Variants in ANKRD12 observed in about 807,000 individuals in gnomAD.
The protein encoded by ANKRD12 is ankyrin repeat domain 12, also known as ankyrin repeat domain-containing protein 12.
Under a neutral mutation model 183.4 loss-of-function variants are expected in ANKRD12, and 85 were observed. The observed-to-expected ratio is 0.46, with a 90% confidence interval of 0.39 to 0.56. The LOEUF (loss-of-function observed/expected upper bound fraction) is 0.56, where lower values mean the gene tolerates loss of function less well. Ranked by LOEUF, ANKRD12 falls within the 20% of genes least tolerant of loss-of-function variation. The pLI is 0.00. For missense variants in ANKRD12, 2,405 were observed against 2,357.1 expected (o/e 1.02, Z -0.42); for synonymous variants, 914 against 800.2 (o/e 1.14, Z -2.40).
intron 8 of ANKRD12, among the ~76,000 whole-genome samples, chr18:9,246,133 C>T (rs549561600): frequency 5.6e-4 from 85 of 152,154 alleles, no homozygotes; most frequent in African/African-American, 2.0e-3. Flanking sequence ...TGCTTATTTT[C>T]AGTGAAAAGT....
intron 1 of ANKRD12, among the ~76,000 whole-genome samples, chr18:9,148,170 G>A (rs1208095940): frequency 1.3e-5 from 2 of 152,130 alleles, no homozygotes; most frequent in Non-Finnish European, 2.9e-5. Flanking sequence ...CAGCAATTTA[G>A]AACCTGTTAG....
chr18:9,175,939 C>A lies in ANKRD12; in HGVS notation c.-51-6443C>A, dbSNP rs191707671. The stretch of plus-strand genomic sequence containing the variant: ...CTTAGGATAAAGGACAATTTATGAA[C>A]CAAAAAAAACTCTTTGTTTCCTGAA... On this transcript the variant is annotated intron_variant, in intron 1 of 12. Coordinates refer to ENST00000262126, the MANE Select transcript of ANKRD12 (RefSeq NM_015208.5). Among the ~76,000 whole-genome samples, 427 of 150,594 alleles carry A rather than the reference C, an allele frequency of 2.8e-3. 1 individual carries two copies. The highest frequency in any genetic ancestry group is 0.01 in the African/African-American group (413 of 40,870).
intron 8 of ANKRD12, among the ~76,000 whole-genome samples, chr18:9,242,012 GT>G (rs896727961): frequency 5.3e-5 from 8 of 150,928 alleles, no homozygotes; most frequent in African/African-American, 1.5e-4. Context: ...GTGTCTATAA[GT>G]CAAAATATCT....
intron 1 of ANKRD12, among the ~76,000 whole-genome samples, chr18:9,165,872 C>A (rs1239102223): frequency 2.0e-4 from 24 of 121,428 alleles, no homozygotes; most frequent in African/African-American, 6.9e-4. Context: ...CTCCCCCCCT[C>A]CCCCCACCCC....
chr18:9,277,544 G>C (rs2039907364), intron 11 of ANKRD12, among the ~76,000 whole-genome samples: 1 of 151,580 alleles, frequency 6.6e-6, no homozygotes, highest in African/African-American at 2.4e-5. Context: ...AGCCAGGATG[G>C]TCTCGATCTC....
In ANKRD12 at chr18:9,256,683, C is replaced by T. The variant is rs781032105; in HGVS notation, c.3416C>T (p.Thr1139Ile). 1 of 1,606,532 alleles carries T rather than the reference C, an allele frequency of 6.2e-7. No homozygotes were observed. Among genetic ancestry groups the T allele is most frequent in the Non-Finnish European group, 8.5e-7 (1 of 1,178,266 alleles). ...TPTESKNKEL[T>I]RSKSSEVTDA... is the part of the protein sequence containing the mutation. ...ACTGAATCCAAAAATAAAGAACTTA[C>T]TAGGTCAAAGAGTTCAGAAGTGACT... Residue 1139 changes from threonine to isoleucine, a missense_variant, in exon 9 of 13, where the codon ACT becomes ATT. Thr to Ile is a moderately conservative substitution (Grantham distance 89, BLOSUM62 -1). Coordinates refer to ENST00000262126, the MANE Select transcript of ANKRD12 (RefSeq NM_015208.5).
At chr18:9,233,591 T>A (rs566878981) in intron 8 of ANKRD12, among the ~76,000 whole-genome samples, 47 of 152,236 alleles carry the variant, frequency 3.1e-4, no homozygotes, top group Non-Finnish European at 5.4e-4. Context: ...TCCCAAAGAT[T>A]ATATCAATGG....
intron 2 of ANKRD12, among the ~76,000 whole-genome samples, chr18:9,184,390 C>T (rs1275473783): frequency 2.0e-5 from 3 of 150,524 alleles, no homozygotes; most frequent in Non-Finnish European, 4.5e-5. Context: ...CTTGATATGG[C>T]CATTTTTTTT....
At chr18:9,144,997 A>G (rs774984470) in intron 1 of ANKRD12, among the ~76,000 whole-genome samples, 12 of 152,330 alleles carry the variant, frequency 7.9e-5, no homozygotes, top group African/African-American at 1.2e-4. Flanking sequence ...GTGAAAAGTC[A>G]TGAAGTATTC....
chr18:9,211,905 T>G (rs1248641485), intron 6 of ANKRD12, 121 bp downstream of exon 6: 4 of 865,858 alleles, frequency 4.6e-6, no homozygotes, highest in Non-Finnish European at 6.9e-6. Flanking sequence ...AAAATACTCT[T>G]TATTACAAAA....
At chr18:9,236,504 C>T (rs1326593841) in intron 8 of ANKRD12, among the ~76,000 whole-genome samples, 1 of 152,128 alleles carries the variant, frequency 6.6e-6, no homozygotes, top group African/African-American at 2.4e-5. Context: ...GGGATAGTCA[C>T]TGTGGAGACT....
intron 8 of ANKRD12, among the ~76,000 whole-genome samples, chr18:9,250,633 C>G (rs1479091530): frequency 6.6e-6 from 1 of 152,092 alleles, no homozygotes; most frequent in Middle Eastern, 3.2e-3. Context: ...GCAGAAAGAT[C>G]GTTTGAGCCC....
intron 9 of ANKRD12, among the ~76,000 whole-genome samples, chr18:9,261,617 T>G (rs1293466156): frequency 1.3e-5 from 2 of 152,140 alleles, no homozygotes; most frequent in Non-Finnish European, 2.9e-5. Context: ...ACATCAAATT[T>G]GACAAAATGG....
intron 7 of ANKRD12, among the ~76,000 whole-genome samples, chr18:9,218,182 C>T (rs1244209702): frequency 6.6e-6 from 1 of 152,142 alleles, no homozygotes; most frequent in African/African-American, 2.4e-5. Context: ...TTTCTGTGAA[C>T]ACAAGTTTCT....
At chr18:9,148,805 A>G (rs1411309624) in intron 1 of ANKRD12, among the ~76,000 whole-genome samples, 1 of 152,092 alleles carries the variant, frequency 6.6e-6, no homozygotes, top group Non-Finnish European at 1.5e-5. Context: ...TGAACACACT[A>G]CTCGAATTAT....
Position 9,258,908 on chromosome 18 carries a change from T to C in ANKRD12, c.5641T>C (p.Leu1881=). ...NGSYLLDGNP[L]SKICIPTITP... ...ATCATATCTCCTGGATGGAAACCCCTTAAGCAAGATTTGTATTCCCACAGT... is the reference window on the plus strand; with the variant it reads ...ATCATATCTCCTGGATGGAAACCCCCTAAGCAAGATTTGTATTCCCACAGT... The change falls in exon 9 of 13, where the codon TTA becomes CTA. Residue 1881 remains leucine, a synonymous_variant. Coordinates refer to ENST00000262126, the MANE Select transcript of ANKRD12 (RefSeq NM_015208.5). The C allele has an allele frequency of 6.2e-7, 1 of 1,607,136 alleles. No homozygotes were observed. Among genetic ancestry groups the C allele is most frequent in the Non-Finnish European group, 8.5e-7 (1 of 1,176,258 alleles).
At chr18:9,220,003 A>T (rs1384309003) in intron 7 of ANKRD12, among the ~76,000 whole-genome samples, 1 of 152,196 alleles carries the variant, frequency 6.6e-6, no homozygotes, top group Admixed American at 6.5e-5. Context: ...AATCGTAAGC[A>T]TGTGTAATTT....
At chr18:9,240,139 A>G (rs1387288296) in intron 8 of ANKRD12, among the ~76,000 whole-genome samples, 3 of 152,166 alleles carry the variant, frequency 2.0e-5, no homozygotes, top group Non-Finnish European at 4.4e-5. Context: ...GTAATAAACA[A>G]TTTGCAGGTT....
chr18:9,252,618 C>A (rs1197862041), intron 8 of ANKRD12, among the ~76,000 whole-genome samples: 1 of 152,222 alleles, frequency 6.6e-6, no homozygotes, highest in African/African-American at 2.4e-5. Flanking sequence ...ATCAGGATCA[C>A]AAATGACAAA....
Sources: allele counts gnomAD v4.1 joint callset (sites outside exome capture counted in the v4.1 genomes callset), GRCh38; gene constraint gnomAD v4.1.1; transcripts MANE v1.5; gene names NCBI Gene and HGNC (gene_info 2026-07-23, HGNC 2026-07-21).